Variants in BTF3L4 observed in about 807,000 individuals in gnomAD.
BTF3L4 encodes the protein transcription factor BTF3 homolog 4.
A neutral mutation model predicts 16.8 loss-of-function variants in BTF3L4; 6 were observed. The observed-to-expected ratio is 0.36, with a 90% CI of 0.20 to 0.71. The LOEUF is 0.71. Among genes scored for constraint, BTF3L4 ranks in the 30% least tolerant of loss-of-function variants. The pLI, the probability that BTF3L4 is intolerant of heterozygous loss-of-function variation, is 0.58. For missense variants in BTF3L4, 92 were observed against 186.9 expected (o/e 0.49, Z 2.96); for synonymous variants, 39 against 59.8 (o/e 0.65, Z 1.60).
At position 52,059,824 on chromosome 1, in the gene BTF3L4, T is replaced by C. The variant is rs777484964; in HGVS notation, c.-13-11T>C. 3.2e-5 allele frequency: 52 copies of C among 1,611,300 alleles called. No homozygotes were observed. Among genetic ancestry groups the C allele is most frequent in the East Asian group, 4.5e-5 (2 of 44,822 alleles). ...AGAGTGACTTTAACAAATCTATTTT[T>C]CCCCCCCTAGATTTACCAACAGCAT... On this transcript the variant is annotated splice_polypyrimidine_tract_variant and intron_variant, in intron 1 of 5. Transcript: ENST00000313334.
intron 3 of BTF3L4, among the ~76,000 whole-genome samples, chr1:52,070,656 G>A (rs1271419909): frequency 6.7e-6 from 1 of 148,512 alleles, no homozygotes; most frequent in Non-Finnish European, 1.5e-5. Flanking sequence ...TTTTTGGTGG[G>A]GGGATGGTCT....
intron 3 of BTF3L4, chr1:52,071,137 TTTTA>T (rs1438633602): frequency 6.6e-6 from 1 of 152,256 alleles, no homozygotes; most frequent in South Asian, 2.1e-4. Context: ...AAAGGATCTG[TTTTA>T]TTTCTCAGAA....
chr1:52,080,689 A>G (rs1213506878), intron 3 of BTF3L4, among the ~76,000 whole-genome samples: 1 of 151,542 alleles, frequency 6.6e-6, no homozygotes, highest in African/African-American at 2.4e-5. Context: ...GCCTGCCACC[A>G]TGTCTGTCTA....
intron 3 of BTF3L4, among the ~76,000 whole-genome samples, chr1:52,070,960 A>T (rs1301956712): frequency 6.6e-6 from 1 of 152,110 alleles, no homozygotes; most frequent in Admixed American, 6.6e-5. Flanking sequence ...TTTTGAAAGG[A>T]ATTCTTAGGC....
At chr1:52,068,917 C>T (rs917138385) in intron 3 of BTF3L4, among the ~76,000 whole-genome samples, 3 of 152,174 alleles carry the variant, frequency 2.0e-5, no homozygotes, top group Admixed American at 1.3e-4. Context: ...AGGTGCCTTT[C>T]GTGTATGCCT....
chr1:52,078,229 CT>C (rs376320702), intron 3 of BTF3L4, among the ~76,000 whole-genome samples: 9 of 132,142 alleles, frequency 6.8e-5, no homozygotes, highest in East Asian at 6.6e-4. Flanking sequence ...ATTGCTTTTG[CT>C]TTTTTTTTTT....
rs769918138 is a variant in BTF3L4, at chr1:52,087,079, A to G, written c.*321A>G. 2.3e-5 allele frequency: 5 copies of G among 212,796 alleles called. No homozygotes were observed. Among genetic ancestry groups the G allele is most frequent in the Non-Finnish European group, 4.7e-5 (5 of 107,464 alleles). 13.2% of individuals were successfully genotyped at this position (212,796 alleles called of 1,614,324 possible). A position where few individuals can be genotyped will look rare whatever the true frequency, so the allele number is the denominator to read the frequency against. ...TATGTATGTGTGTGGGTATGTGTGT[A>G]TACAGTGGAGAGCAAATTGGAAAAC... On this transcript the variant is annotated 3_prime_UTR_variant, in exon 6 of 6. Transcript: ENST00000313334.
Position 52,088,492 on chromosome 1 carries a change from G to A in BTF3L4, c.*1734G>A, listed in dbSNP as rs1223812859. ...GTAAATGAATGTTAGTGCAGTAATT[G>A]TTTGAAATAATGCCTCATCCAGTGT... On this transcript the variant is annotated 3_prime_UTR_variant, in exon 6 of 6. Coordinates refer to ENST00000313334, the MANE Select transcript of BTF3L4 (RefSeq NM_152265.5). 6.6e-6 allele frequency: 1 copy of A among 152,554 alleles called. No homozygotes were observed. Among genetic ancestry groups the A allele is most frequent in the Non-Finnish European group, 1.5e-5 (1 of 68,030 alleles). The allele number at this position is 152,554 out of a possible 1,614,324, so 9.5% of individuals were successfully genotyped here.
At position 52,088,913 on chromosome 1, in the gene BTF3L4, A is replaced by ATTTTTTT. The variant is rs3991108; in HGVS notation, c.*2167_*2173dup. 1 of 128,670 alleles carries ATTTTTTT rather than the reference A, an allele frequency of 7.8e-6. No homozygotes were observed. The highest frequency in any genetic ancestry group is 1.7e-5 in the Non-Finnish European group (1 of 60,506). The allele number at this position is 128,670 out of a possible 1,614,324, so 8.0% of individuals were successfully genotyped here. A position where few individuals can be genotyped will look rare whatever the true frequency, so the allele number is the denominator to read the frequency against. On this transcript the variant is annotated 3_prime_UTR_variant, in exon 6 of 6. Coordinates refer to ENST00000313334, the MANE Select transcript of BTF3L4 (RefSeq NM_152265.5). ...TGTCTCAGCCTCCACAGTAGCTGGG[A>ATTTTTTT]TTTTTTTTTTTTTTTTTTGTATTTT...
At chr1:52,063,385 A>T (rs1265745092) in intron 2 of BTF3L4, among the ~76,000 whole-genome samples, 1 of 152,166 alleles carries the variant, frequency 6.6e-6, no homozygotes, top group African/African-American at 2.4e-5. Flanking sequence ...TGCTTCACAA[A>T]TGAGTGCCTA....
intron 3 of BTF3L4, among the ~76,000 whole-genome samples, chr1:52,074,147 C>T (rs926797256): frequency 9.9e-5 from 15 of 151,232 alleles, no homozygotes; most frequent in Non-Finnish European, 1.6e-4. Context: ...GCCTGGGTGA[C>T]AGAGCAAGAC....
chr1:52,060,943 G>A (rs1238452593), intron 2 of BTF3L4, among the ~76,000 whole-genome samples: 7 of 152,180 alleles, frequency 4.6e-5, no homozygotes, highest in South Asian at 4.1e-4. Flanking sequence ...GTACCACATC[G>A]CCATTGTGTA....
chr1:52,062,267 T>C (rs1269148366), intron 2 of BTF3L4, among the ~76,000 whole-genome samples: 1 of 139,896 alleles, frequency 7.1e-6, no homozygotes, highest in East Asian at 2.2e-4. Context: ...AGTGGCGTGA[T>C]CTCGGCTCAC....
At chr1:52,073,464 C>A (rs1340333521) in intron 3 of BTF3L4, among the ~76,000 whole-genome samples, 2 of 146,380 alleles carry the variant, frequency 1.4e-5, no homozygotes, top group African/African-American at 5.1e-5. Context: ...TATATATGCA[C>A]TATATATATG....
Position 52,087,870 on chromosome 1 carries a change from C to T in BTF3L4, c.*1112C>T, listed in dbSNP as rs905591164. On this transcript the variant is annotated 3_prime_UTR_variant, in exon 6 of 6. Coordinates refer to ENST00000313334, the MANE Select transcript of BTF3L4 (RefSeq NM_152265.5). ...GGCCCTAGGAGGATTTCCTCAACCA[C>T]TCTCCTACTCTTGGCCTTGAACCTA... 5 of 152,568 alleles carry T rather than the reference C, an allele frequency of 3.3e-5. No individual in the cohort carries two copies. The highest frequency in any genetic ancestry group is 5.9e-5 in the Non-Finnish European group (4 of 68,034). 9.5% of individuals were successfully genotyped at this position (152,568 alleles called of 1,614,324 possible).
Position 52,056,351 on chromosome 1 carries a change from C to G in BTF3L4, c.-42C>G, listed in dbSNP as rs1277722827. ...GCAGCCATCTTTCTCTTGCCGCGTG[C>G]TGGTGTTGGAGGACCCTCCCTGCTT... On this transcript the variant is annotated 5_prime_UTR_variant, in exon 1 of 6. Coordinates refer to ENST00000313334, the MANE Select transcript of BTF3L4 (RefSeq NM_152265.5). 1.9e-5 allele frequency: 3 copies of G among 156,460 alleles called. No individual in the cohort carries two copies. The highest frequency in any genetic ancestry group is 4.3e-5 in the Non-Finnish European group (3 of 70,438). 9.7% of individuals were successfully genotyped at this position (156,460 alleles called of 1,614,324 possible).
At chr1:52,071,929 C>CTG in intron 3 of BTF3L4, among the ~76,000 whole-genome samples, 1 of 78,980 alleles carries the variant, frequency 1.3e-5, no homozygotes, top group Middle Eastern at 6.4e-3. Context: ...TTGTTTTTTA[C>CTG]TCTGTGTGTG....
At chr1:52,076,136 A>G (rs1015449306) in intron 3 of BTF3L4, among the ~76,000 whole-genome samples, 1 of 152,054 alleles carries the variant, frequency 6.6e-6, no homozygotes, top group African/African-American at 2.4e-5. Flanking sequence ...TTGTACTTTT[A>G]GTGGTGGCGT....
chr1:52,076,916 A>T (rs972534816), intron 3 of BTF3L4, among the ~76,000 whole-genome samples: 1 of 152,200 alleles, frequency 6.6e-6, no homozygotes, highest in Non-Finnish European at 1.5e-5. Context: ...TTGTGTTTGT[A>T]ATCCCAGCAC....
Sources: allele counts gnomAD v4.1 joint callset (sites outside exome capture counted in the v4.1 genomes callset), GRCh38; gene constraint gnomAD v4.1.1; transcripts MANE v1.5; gene names NCBI Gene and HGNC (gene_info 2026-07-23, HGNC 2026-07-21).